The following DPP6 variants were observed in gnomAD, a reference collection of about 807,000 sequenced individuals.
The protein encoded by DPP6 is dipeptidyl peptidase like 6.
DPP6 carries 69 observed loss-of-function variants against 122.6 expected under a neutral mutation model. That is an observed-to-expected ratio of 0.56 (90% CI 0.46 to 0.69). DPP6 has a LOEUF of 0.69. DPP6 is among the 30% of genes least tolerant of loss of function. The pLI is 0.00. For synonymous variants in DPP6, 418 were observed against 433.1 expected (o/e 0.97, Z 0.43); for missense variants, 928 against 1,116.9 (o/e 0.83, Z 2.41).
chr7:153,752,129 C>T, the DPP6 span, among the ~76,000 whole-genome samples: 1 of 152,146 alleles, frequency 6.6e-6, no homozygotes, highest in Non-Finnish European at 1.5e-5. Flanking sequence ...GCAGGACCTG[C>T]CACACAAGAT....
chr7:154,637,970 G>C, intron 6 of DPP6, 97 bp downstream of exon 6: 2 of 1,358,380 alleles, frequency 1.5e-6, no homozygotes, highest in Non-Finnish European at 2.0e-6. Flanking sequence ...GCGGGAAATG[G>C]CGTTCCAGTT....
At chr7:154,060,674 C>T (rs1406741554) in intron 1 of DPP6, among the ~76,000 whole-genome samples, 17 of 146,058 alleles carry the variant, frequency 1.2e-4, no homozygotes, top group African/African-American at 2.5e-5. Context: ...CGACTGAGAG[C>T]TATCCCCTCT....
chr7:153,761,967 T>A, the DPP6 span, among the ~76,000 whole-genome samples: 2 of 151,632 alleles, frequency 1.3e-5, no homozygotes, highest in Non-Finnish European at 2.9e-5. Flanking sequence ...GGGGAAAGAG[T>A]GGTCAGTGTG....
At chr7:154,226,013 CCAA>C (rs2150839427) in intron 1 of DPP6, among the ~76,000 whole-genome samples, 1 of 152,284 alleles carries the variant, frequency 6.6e-6, no homozygotes, top group African/African-American at 2.4e-5. Flanking sequence ...GCAGCAGCCA[CCAA>C]GTGGCTGAGA....
intron 1 of DPP6, among the ~76,000 whole-genome samples, chr7:154,025,139 T>C (rs532291130): frequency 1.3e-5 from 2 of 152,252 alleles, no homozygotes; most frequent in Non-Finnish European, 2.9e-5. Context: ...TATTTAAAAC[T>C]TTGGGCTAAT....
Position 154,892,953 on chromosome 7 carries a change from GTGTTCATATA to G in DPP6, c.*476_*485del, listed in dbSNP as rs1806750774. 1 of 519,984 alleles carries G rather than the reference GTGTTCATATA, an allele frequency of 1.9e-6. No individual in the cohort carries two copies. Among genetic ancestry groups the G allele is most frequent in the South Asian group, 1.4e-5 (1 of 71,604 alleles). The allele number at this position is 519,984 out of a possible 1,614,324, so 32.2% of individuals were successfully genotyped here. On this transcript the variant is annotated 3_prime_UTR_variant, in exon 26 of 26. Coordinates refer to ENST00000377770, the MANE Select transcript of DPP6 (RefSeq NM_130797.4). The stretch of plus-strand genomic sequence containing the variant: ...TACAGCACCATTGTTTTAGCAGTGC[GTGTTCATATA>G]TGGGCTTGCTACTTCCTGTAATGAG...
chr7:154,365,750 G>A (rs1812107893), intron 1 of DPP6, among the ~76,000 whole-genome samples: 2 of 151,876 alleles, frequency 1.3e-5, no homozygotes, highest in African/African-American at 4.8e-5. Context: ...TCAGGAGATC[G>A]AGACCATCCT....
chr7:154,435,842 G>A (rs1818814490), intron 1 of DPP6, among the ~76,000 whole-genome samples: 1 of 152,168 alleles, frequency 6.6e-6, no homozygotes, highest in Non-Finnish European at 1.5e-5. Context: ...TAAATATTAG[G>A]AAGAAAATAC....
the DPP6 span, among the ~76,000 whole-genome samples, chr7:153,803,376 T>C: frequency 6.6e-6 from 1 of 151,138 alleles, no homozygotes; most frequent in Non-Finnish European, 1.5e-5. Flanking sequence ...CCTTCCCCAA[T>C]CCATTGGGGC....
At chr7:153,909,157 A>T (rs899695491) in intron 1 of DPP6, among the ~76,000 whole-genome samples, 2 of 152,114 alleles carry the variant, frequency 1.3e-5, no homozygotes, top group South Asian at 4.1e-4. Context: ...TCCCCAAAAG[A>T]TTTACTTACA....
At chr7:154,023,545 G>T (rs1228654467) in intron 1 of DPP6, among the ~76,000 whole-genome samples, 3 of 151,536 alleles carry the variant, frequency 2.0e-5, no homozygotes, top group African/African-American at 7.3e-5. Context: ...CCAATGGTAC[G>T]ATCTCAGCTC....
the DPP6 span, among the ~76,000 whole-genome samples, chr7:153,866,648 G>C: frequency 6.6e-6 from 1 of 152,120 alleles, no homozygotes; most frequent in Non-Finnish European, 1.5e-5. Flanking sequence ...AAGCTCTTTA[G>C]TTTAATTAGA....
intron 1 of DPP6, among the ~76,000 whole-genome samples, chr7:154,335,306 AAAAC>A (rs1809311371): frequency 6.6e-6 from 1 of 151,698 alleles, no homozygotes; most frequent in Admixed American, 6.6e-5. Flanking sequence ...TATTTCTTAA[AAAAC>A]AAAACAAAAC....
intron 13 of DPP6, 145 bp downstream of exon 13, chr7:154,801,607 C>A (rs1249481948): frequency 8.3e-7 from 1 of 1,197,892 alleles, no homozygotes; most frequent in South Asian, 1.6e-5. Context: ...CAGGGCATGG[C>A]GCTGGTGAGT....
intron 1 of DPP6, among the ~76,000 whole-genome samples, chr7:154,359,944 T>TCCTTGGGCAGGCAGAAATGATCGAGCTG (rs1296874987): frequency 1.3e-5 from 2 of 152,172 alleles, no homozygotes; most frequent in African/African-American, 4.8e-5. Context: ...AAGAACGATC[T>TCCTTGGGCAGGCAGAAATGATCGAGCTG]CCTTGGGCAG....
chr7:153,844,682 C>T, the DPP6 span, among the ~76,000 whole-genome samples: 8 of 152,184 alleles, frequency 5.3e-5, 1 homozygote, highest in Admixed American at 5.2e-4. Flanking sequence ...TCCGGTGGGA[C>T]ATCGTTTGCA....
chr7:154,062,340 C>CA, intron 1 of DPP6, among the ~76,000 whole-genome samples: 1 of 50,434 alleles, frequency 2.0e-5, no homozygotes. Context: ...AGGCACCCCC[C>CA]GCGAGGGTGG....
chr7:154,265,235 G>A lies in DPP6; in HGVS notation c.244-180979G>A, dbSNP rs145957338. ...GGTGATGATGATAATGATGGTGACA[G>A]TGATGATGTTGATGGTGTTAATGGC... On this transcript the variant is annotated intron_variant, in intron 1 of 25. Transcript: ENST00000377770. Among the ~76,000 whole-genome samples, 1,167 of 152,006 alleles carry A rather than the reference G, an allele frequency of 7.7e-3. 24 individuals are homozygous for A. Among genetic ancestry groups the A allele is most frequent in the African/African-American group, 0.025 (1,046 of 41,468 alleles).
chr7:154,617,229 G>A (rs1279646552), intron 5 of DPP6, among the ~76,000 whole-genome samples: 1 of 152,174 alleles, frequency 6.6e-6, no homozygotes, highest in Non-Finnish European at 1.5e-5. Flanking sequence ...AGAAGGGCAG[G>A]GAAGCAGGCT....
Sources: gnomAD v4.1 joint callset for allele counts (sites outside exome capture counted in the v4.1 genomes callset) on GRCh38, gnomAD v4.1.1 for gene constraint, MANE v1.5 for transcripts, NCBI Gene and HGNC (gene_info 2026-07-23, HGNC 2026-07-21) for gene names.